The following ERI1 variants were observed in gnomAD, a reference collection of about 807,000 sequenced individuals.
The protein encoded by ERI1 is exoribonuclease 1, also known as 3'-5' exoribonuclease 1.
A neutral mutation model predicts 39.7 loss-of-function variants in ERI1; 39 were observed. That is an observed-to-expected ratio of 0.98 (90% confidence interval 0.76 to 1.28). ERI1 has a LOEUF of 1.28. ERI1 is among the 50% of genes most tolerant of loss of function. The pLI is 0.00. For synonymous variants in ERI1, 204 were observed against 149.6 expected, an observed-to-expected ratio of 1.36 and a Z score of -2.65; for missense variants, 581 against 416.9, an observed-to-expected ratio of 1.39 and a Z score of -3.43.
intron 3 of ERI1, among the ~76,000 whole-genome samples, chr8:9,057,319 G>C (rs191729567): frequency 6.6e-6 from 1 of 152,222 alleles, no homozygotes; most frequent in African/African-American, 2.4e-5. Context: ...TCCTGTGTAC[G>C]TGTTAGCCAC....
intron 3 of ERI1, among the ~76,000 whole-genome samples, chr8:9,015,991 G>A (rs1371263957): frequency 6.6e-6 from 1 of 152,072 alleles, no homozygotes; most frequent in Non-Finnish European, 1.5e-5. Flanking sequence ...TTAGTATCTT[G>A]AAGTAGAGGA....
chr8:9,065,694 CAAAAAA>C (rs577584927), intron 3 of ERI1, among the ~76,000 whole-genome samples: 1 of 82,280 alleles, frequency 1.2e-5, no homozygotes, highest in Non-Finnish European at 2.3e-5. Flanking sequence ...GACTCCATCT[CAAAAAA>C]AAAAAAAAAA....
intron 1 of ERI1, chr8:9,004,400 T>A: frequency 1.7e-6 from 1 of 601,400 alleles, no homozygotes; most frequent in Non-Finnish European, 2.2e-6. Context: ...TACAGCTACT[T>A]AAGGCCTAGG....
chr8:9,070,733 A>G (rs529014106), intron 3 of ERI1, among the ~76,000 whole-genome samples: 2 of 152,376 alleles, frequency 1.3e-5, no homozygotes, highest in Non-Finnish European at 2.9e-5. Context: ...GGCGTCTGAA[A>G]GAATCTGGTT....
intron 2 of ERI1, among the ~76,000 whole-genome samples, chr8:9,010,577 TTAAA>T (rs377106553): frequency 1.0e-3 from 158 of 152,164 alleles, no homozygotes; most frequent in African/African-American, 3.7e-3. Context: ...AAGGTTTTTT[TTAAA>T]TAGTCATTAA....
chr8:9,005,592 G>A (rs536170467), intron 1 of ERI1, among the ~76,000 whole-genome samples: 3 of 148,646 alleles, frequency 2.0e-5, no homozygotes, highest in South Asian at 4.2e-4. Flanking sequence ...TCGGCTCGCT[G>A]CAAGCTCCGC....
At chr8:9,036,069 A>G (rs1797835361), downstream of ERI1, among the ~76,000 whole-genome samples, 1 of 152,224 alleles carries the variant, frequency 6.6e-6, no homozygotes, top group Non-Finnish European at 1.5e-5. Context: ...CTTCTTACAG[A>G]TAAGCAAAGA....
chr8:9,040,413 C>G (rs1280114831), intron 3 of ERI1, among the ~76,000 whole-genome samples: 1 of 152,124 alleles, frequency 6.6e-6, no homozygotes. Flanking sequence ...TCTCTGTGTT[C>G]GCTAACGCCT....
intron 2 of ERI1, chr8:9,009,254 G>T (rs1404661636): frequency 2.9e-6 from 1 of 343,622 alleles, no homozygotes. Flanking sequence ...TCAGTCTTTT[G>T]GGAAAACATA....
In ERI1 at chr8:9,013,269, G is replaced by A. The variant is rs146000769; in HGVS notation, c.498+1517G>A. ...AGCTCAGGCAATCCACCTGCCTCAG[G>A]TTCCCCAAGTGCTAGGATTACAGGC... On this transcript the variant is annotated intron_variant, in intron 3 of 6. Coordinates refer to ENST00000250263, the MANE Select transcript of ERI1 (RefSeq NM_153332.4). 2.7e-3 allele frequency among the ~76,000 whole-genome samples: 408 copies of A among 149,742 alleles called. 2 individuals carry two copies. Among genetic ancestry groups the A allele is most frequent in the African/African-American group, 9.6e-3 (389 of 40,590 alleles).
chr8:9,096,582 C>A (rs1799882864), intron 3 of ERI1, among the ~76,000 whole-genome samples: 1 of 152,032 alleles, frequency 6.6e-6, no homozygotes, highest in Non-Finnish European at 1.5e-5. Context: ...TGGGGCTGAC[C>A]TCGGAAGTGT....
chr8:9,019,545 A>C (rs1406246452), intron 5 of ERI1, among the ~76,000 whole-genome samples: 1 of 152,182 alleles, frequency 6.6e-6, no homozygotes, highest in African/African-American at 2.4e-5. Context: ...ATTTTGTAAC[A>C]AGAGCACTAA....
At chr8:9,065,660 A>G (rs1172583344) in intron 3 of ERI1, among the ~76,000 whole-genome samples, 3 of 141,842 alleles carry the variant, frequency 2.1e-5, no homozygotes, top group African/African-American at 8.0e-5. Flanking sequence ...GCAGCACTGC[A>G]CTCCAGCCTG....
chr8:9,097,745 GAAGAA>G (rs1366788430), intron 3 of ERI1, among the ~76,000 whole-genome samples: 1 of 149,028 alleles, frequency 6.7e-6, no homozygotes, highest in African/African-American at 2.5e-5. Context: ...AAAGAAGAAA[GAAGAA>G]AAGACATAAA....
At chr8:9,013,481 C>T (rs1470870841) in intron 3 of ERI1, among the ~76,000 whole-genome samples, 1 of 152,010 alleles carries the variant, frequency 6.6e-6, no homozygotes, top group Non-Finnish European at 1.5e-5. Flanking sequence ...CTTTCCTTCC[C>T]AGCTTCCCCG....
intron 3 of ERI1, among the ~76,000 whole-genome samples, chr8:9,051,148 G>A (rs1172847568): frequency 6.6e-6 from 1 of 151,308 alleles, no homozygotes; most frequent in Non-Finnish European, 1.5e-5. Flanking sequence ...AGGTATATAT[G>A]AATATATATA....
chr8:9,035,463 C>G (rs906493414), downstream of ERI1, among the ~76,000 whole-genome samples: 6 of 152,084 alleles, frequency 3.9e-5, no homozygotes, highest in African/African-American at 1.4e-4. Context: ...TCTGCCTGTG[C>G]TCTATAAAGG....
intron 2 of ERI1, among the ~76,000 whole-genome samples, chr8:9,011,282 T>C (rs1585192321): frequency 6.6e-6 from 1 of 152,308 alleles, no homozygotes; most frequent in Middle Eastern, 3.4e-3. Context: ...TACCAGTATA[T>C]GTTGGAGAAA....
chr8:9,065,998 T>A (rs1011674369), intron 3 of ERI1, among the ~76,000 whole-genome samples: 1 of 151,914 alleles, frequency 6.6e-6, no homozygotes, highest in Admixed American at 6.6e-5. Flanking sequence ...CACGGCCGCC[T>A]TTTTTTTCTT....
Sources: allele counts gnomAD v4.1 joint callset (sites outside exome capture counted in the v4.1 genomes callset), GRCh38; gene constraint gnomAD v4.1.1; transcripts MANE v1.5; gene names NCBI Gene and HGNC (gene_info 2026-07-23, HGNC 2026-07-21).